The following SLC44A5 variants were observed in gnomAD, a reference collection of about 807,000 sequenced individuals.
The protein encoded by SLC44A5 is solute carrier family 44 member 5, also known as choline transporter-like protein 5.
SLC44A5 carries 57 observed loss-of-function variants against 101.8 expected under a neutral mutation model. The ratio of observed to expected loss-of-function variants is 0.56; its 90% CI spans 0.45 to 0.70. The LOEUF is 0.70. SLC44A5 is among the 30% of genes least tolerant of loss of function. The probability of loss-of-function intolerance (pLI) is 0.00; values close to 1 mark genes in which losing one functional copy is unlikely to be tolerated. For synonymous variants in SLC44A5, 281 were observed against 290.9 expected (o/e 0.97, Z 0.35); for missense variants, 737 against 853.1 (o/e 0.86, Z 1.70).
the SLC44A5 span, among the ~76,000 whole-genome samples, chr1:75,653,938 C>A: frequency 6.6e-6 from 1 of 152,156 alleles, no homozygotes; most frequent in Non-Finnish European, 1.5e-5. Flanking sequence ...CAGCTAGTAA[C>A]AAAGCCTTGC....
intron 13 of SLC44A5, among the ~76,000 whole-genome samples, chr1:75,227,487 T>C (rs1647231110): frequency 6.6e-6 from 1 of 152,186 alleles, no homozygotes; most frequent in Admixed American, 6.6e-5. Flanking sequence ...ACCAAACAAT[T>C]TTAATTTGAA....
chr1:75,270,405 T>C (rs1313962628), intron 6 of SLC44A5, among the ~76,000 whole-genome samples: 3 of 152,246 alleles, frequency 2.0e-5, no homozygotes, highest in Middle Eastern at 6.8e-3. Flanking sequence ...TATTTAGTAA[T>C]TGTTTTAGAA....
intron 2 of SLC44A5, among the ~76,000 whole-genome samples, chr1:75,452,885 C>G (rs1665983540): frequency 1.3e-5 from 2 of 152,090 alleles, no homozygotes. Flanking sequence ...CACACAGAAT[C>G]ATAAAACAAG....
At chr1:75,507,836 A>C (rs1474152098) in intron 2 of SLC44A5, among the ~76,000 whole-genome samples, 1 of 152,260 alleles carries the variant, frequency 6.6e-6, no homozygotes, top group South Asian at 2.1e-4. Flanking sequence ...GTTTGTGTGA[A>C]TAGAGTACCC....
chr1:75,619,583 G>A, the SLC44A5 span, among the ~76,000 whole-genome samples: 1 of 152,006 alleles, frequency 6.6e-6, no homozygotes, highest in African/African-American at 2.4e-5. Context: ...CACAAAAAAG[G>A]GTAGGCCTAA....
At chr1:75,244,457 CTGAATAT>C (rs1648933739) in intron 7 of SLC44A5, among the ~76,000 whole-genome samples, 1 of 152,058 alleles carries the variant, frequency 6.6e-6, no homozygotes, top group Non-Finnish European at 1.5e-5. Flanking sequence ...TTAAAATTCT[CTGAATAT>C]TGAACACCTA....
chr1:75,297,501 T>C (rs1051026654), intron 5 of SLC44A5, among the ~76,000 whole-genome samples: 3 of 152,056 alleles, frequency 2.0e-5, no homozygotes, highest in African/African-American at 7.2e-5. Context: ...CCCAGGCTGG[T>C]CCCAAACTCA....
the SLC44A5 span, among the ~76,000 whole-genome samples, chr1:75,712,697 G>GAA: frequency 5.7e-3 from 126 of 22,130 alleles, 2 homozygotes; most frequent in Middle Eastern, 0.042. Context: ...AAGCATTTGA[G>GAA]AAAAAAAAAA....
intron 12 of SLC44A5, among the ~76,000 whole-genome samples, chr1:75,229,401 TCTC>T: frequency 6.6e-6 from 1 of 152,166 alleles, no homozygotes; most frequent in Admixed American, 6.5e-5. Flanking sequence ...TATGACCTCA[TCTC>T]CTACTATTTT....
chr1:75,360,418 C>A (rs183949400), intron 3 of SLC44A5, among the ~76,000 whole-genome samples: 1 of 152,148 alleles, frequency 6.6e-6, no homozygotes, highest in African/African-American at 2.4e-5. Flanking sequence ...GATCCTCCCA[C>A]CTTGGCCTCT....
the SLC44A5 span, among the ~76,000 whole-genome samples, chr1:75,697,985 A>T: frequency 6.6e-6 from 1 of 152,202 alleles, no homozygotes; most frequent in Non-Finnish European, 1.5e-5. Flanking sequence ...TATCCTGCAC[A>T]TGGCTTGGAG....
At chr1:75,532,608 T>G (rs1194454979) in intron 2 of SLC44A5, among the ~76,000 whole-genome samples, 1 of 152,232 alleles carries the variant, frequency 6.6e-6, no homozygotes, top group Admixed American at 6.5e-5. Context: ...TACTACATAT[T>G]TAAATTGTTG....
chr1:75,573,977 A>C lies in SLC44A5; in HGVS notation c.-69-32461T>G, dbSNP rs149249061. On this transcript the variant is annotated intron_variant, in intron 1 of 23. Transcript: ENST00000370859. ...CACTGATGCACTCAATGCATCAGCA[A>C]ATATGGCAAATCTGAAGACTGTCAG... Among the ~76,000 whole-genome samples, 10 of 152,318 alleles carry C rather than the reference A, an allele frequency of 6.6e-5. No individual in the cohort carries two copies. The East Asian group carries it at 1.9e-3, about 29-fold the overall frequency.
chr1:75,504,059 G>A (rs1270800575), intron 2 of SLC44A5, among the ~76,000 whole-genome samples: 1 of 151,750 alleles, frequency 6.6e-6, no homozygotes, highest in African/African-American at 2.4e-5. Context: ...ATTCATTTTT[G>A]TAACTTTTAT....
rs371881254 is a variant in SLC44A5, at chr1:75,497,272, CGTGTGTGT to C, written c.13+44155_13+44162del. 2.6e-5 allele frequency among the ~76,000 whole-genome samples: 4 copies of C among 151,492 alleles called. 1 individual carries two copies. The South Asian group carries it at 8.4e-4, about 32-fold the overall frequency. On this transcript the variant is annotated intron_variant, in intron 2 of 23. Coordinates refer to ENST00000370859, the MANE Select transcript of SLC44A5 (RefSeq NM_001130058.2). ...ACTGATGAATGGGAAAAAAAATTGC[CGTGTGTGT>C]GTGTGGGTGTTTTATTCAGACTTTT...
chr1:75,644,452 A>G, the SLC44A5 span, among the ~76,000 whole-genome samples: 3 of 152,010 alleles, frequency 2.0e-5, no homozygotes, highest in Non-Finnish European at 4.4e-5. Context: ...ACAAAAGTTC[A>G]CCTCTAAAAA....
At chr1:75,352,537 A>G (rs1658762998) in intron 3 of SLC44A5, among the ~76,000 whole-genome samples, 1 of 152,174 alleles carries the variant, frequency 6.6e-6, no homozygotes, top group South Asian at 2.1e-4. Context: ...TAATGAAATC[A>G]TATTCAATCT....
the SLC44A5 span, among the ~76,000 whole-genome samples, chr1:75,711,331 T>C: frequency 2.6e-5 from 4 of 152,134 alleles, no homozygotes; most frequent in Non-Finnish European, 4.4e-5. Flanking sequence ...GTTCTTGACA[T>C]CTCTAGTAGA....
chr1:75,435,679 C>A (rs1442136293), intron 2 of SLC44A5, among the ~76,000 whole-genome samples: 1 of 152,132 alleles, frequency 6.6e-6, no homozygotes, highest in Admixed American at 6.6e-5. Flanking sequence ...CACATGATGT[C>A]CTTTTATTGG....
Sources: gnomAD v4.1 joint callset for allele counts (sites outside exome capture counted in the v4.1 genomes callset) on GRCh38, gnomAD v4.1.1 for gene constraint, MANE v1.5 for transcripts, NCBI Gene and HGNC (gene_info 2026-07-23, HGNC 2026-07-21) for gene names.